SLC4A1AP: variants seen among roughly 807,000 people sequenced by gnomAD.
SLC4A1AP encodes the protein kanadaptin.
In SLC4A1AP, 64 loss-of-function variants were observed where a neutral mutation model predicts 89.7. That is an observed-to-expected ratio of 0.71 (90% CI 0.58 to 0.88). The LOEUF is 0.88. Ranked by LOEUF, SLC4A1AP falls within the 40% of genes least tolerant of loss-of-function variation. SLC4A1AP has a pLI of 0.00. For missense variants in SLC4A1AP, 931 were observed against 965.0 expected (o/e 0.96, Z 0.47); for synonymous variants, 366 against 353.3 (o/e 1.04, Z -0.40).
intron 6 of SLC4A1AP, among the ~76,000 whole-genome samples, chr2:27,676,119 C>T (rs1322092138): frequency 6.6e-6 from 1 of 152,058 alleles, no homozygotes; most frequent in East Asian, 1.9e-4. Flanking sequence ...CACAAGGTGA[C>T]GTGTTAATGG....
Position 27,663,899 on chromosome 2 carries a change from G to A in SLC4A1AP, c.147G>A (p.Lys49=), listed in dbSNP as rs1194578562. ...GGGTTTCGAAGGAGCGGATTTCGAA[G>A]TTGCACCGGTTGAGGATGGCTGACA... is the stretch of plus-strand genomic sequence containing the variant. Residue 49 remains lysine (K), a synonymous_variant, in exon 1 of 14, where the codon AAG becomes AAA. Transcript: ENST00000613058. 3.1e-6 allele frequency: 5 copies of A among 1,614,044 alleles called. No homozygotes were observed. The African/African-American group carries it at 4.0e-5, about 13-fold the overall frequency.
intron 10 of SLC4A1AP, among the ~76,000 whole-genome samples, chr2:27,685,727 CTTCA>C (rs1354226105): frequency 2.6e-5 from 4 of 152,140 alleles, no homozygotes; most frequent in African/African-American, 9.7e-5. Flanking sequence ...AAGGATCTTG[CTTCA>C]TTCATTTTTG....
At chr2:27,690,987 G>A (rs903010065) in intron 12 of SLC4A1AP, among the ~76,000 whole-genome samples, 1 of 151,956 alleles carries the variant, frequency 6.6e-6, no homozygotes, top group Non-Finnish European at 1.5e-5. Context: ...GGGATATTGG[G>A]CTCTAGTTTT....
intron 5 of SLC4A1AP, among the ~76,000 whole-genome samples, chr2:27,674,999 T>C (rs1482010211): frequency 1.3e-5 from 2 of 152,204 alleles, no homozygotes; most frequent in South Asian, 2.1e-4. Flanking sequence ...GCCATCCTCA[T>C]TGATTTTTAA....
intron 5 of SLC4A1AP, 136 bp downstream of exon 5, chr2:27,669,523 A>C (rs1572989457): frequency 9.6e-6 from 7 of 726,590 alleles, no homozygotes; most frequent in Non-Finnish European, 2.2e-6. Flanking sequence ...AATTCTCAAT[A>C]CCCTAAGGTA....
exon 9 of SLC4A1AP, chr2:27,682,309 G>C: frequency 6.2e-7 from 1 of 1,613,866 alleles, no homozygotes; most frequent in South Asian, 1.1e-5. Flanking sequence ...GCCTCTATTT[G>C]GTGCCATGAA....
intron 12 of SLC4A1AP, chr2:27,691,453 T>C (rs1341982714): frequency 6.6e-6 from 1 of 152,128 alleles, no homozygotes; most frequent in Non-Finnish European, 1.5e-5. Context: ...ATCTAGCTAA[T>C]GATCTATGAA....
At chr2:27,681,016 TCCTAC>T (rs1370396456) in intron 8 of SLC4A1AP, among the ~76,000 whole-genome samples, 2 of 152,168 alleles carry the variant, frequency 1.3e-5, no homozygotes, top group Non-Finnish European at 2.9e-5. Context: ...ACTTTCTGCC[TCCTAC>T]CCTAACCCCT....
chr2:27,665,129 C>G (rs779719870), exon 2 of SLC4A1AP: 18 of 1,611,168 alleles, frequency 1.1e-5, no homozygotes, highest in Middle Eastern at 3.3e-4. Context: ...AGGCAGAATC[C>G]GAGTTAACAG....
chr2:27,667,103 T>C (rs13391986), intron 2 of SLC4A1AP, among the ~76,000 whole-genome samples, 165 bp from the exon 3 acceptor site: 4,666 of 152,186 alleles, frequency 0.031, 173 homozygotes, highest in African/African-American at 0.088. Flanking sequence ...ACTCCTGACC[T>C]TGTGATCCAC....
At chr2:27,664,168 C>T (rs375232804) in exon 1 of SLC4A1AP, 26 of 1,614,080 alleles carry the variant, frequency 1.6e-5, no homozygotes, top group East Asian at 1.6e-4. Context: ...TCGCGCCCCC[C>T]GACAGCGGTT....
At chr2:27,665,253 G>C in exon 2 of SLC4A1AP, 1 of 1,612,204 alleles carries the variant, frequency 6.2e-7, no homozygotes, top group South Asian at 1.1e-5. Context: ...GAAGATAAAT[G>C]CTGGTAGCCA....
intron 8 of SLC4A1AP, among the ~76,000 whole-genome samples, chr2:27,679,111 C>T (rs1572993397): frequency 1.3e-5 from 2 of 152,252 alleles, no homozygotes; most frequent in South Asian, 4.1e-4. Flanking sequence ...CTTATATTGT[C>T]ATTGAAGGAC....
At chr2:27,688,852 T>G (rs1363648105) in intron 12 of SLC4A1AP, 85 bp downstream of exon 12, 6 of 1,013,930 alleles carry the variant, frequency 5.9e-6, no homozygotes, top group Middle Eastern at 3.1e-4. Context: ...GAGACTGACT[T>G]AACAGAGTTC....
intron 5 of SLC4A1AP, among the ~76,000 whole-genome samples, chr2:27,671,295 G>A (rs940946125): frequency 6.6e-6 from 1 of 152,230 alleles, no homozygotes; most frequent in South Asian, 2.1e-4. Flanking sequence ...GTTACCTGTC[G>A]ACTCTGCTAA....
chr2:27,678,977 C>T (rs1675569120), intron 8 of SLC4A1AP, among the ~76,000 whole-genome samples: 1 of 152,070 alleles, frequency 6.6e-6, no homozygotes, highest in African/African-American at 2.4e-5. Flanking sequence ...CTCAGCCTCC[C>T]AAAGTGCTGG....
At chr2:27,679,948 G>A (rs1038159876) in intron 8 of SLC4A1AP, among the ~76,000 whole-genome samples, 1 of 152,204 alleles carries the variant, frequency 6.6e-6, no homozygotes, top group African/African-American at 2.4e-5. Flanking sequence ...GCTGGGCTAA[G>A]ATATGGTTTC....
At chr2:27,691,025 TTTTTGTA>T (rs1269829979) in intron 12 of SLC4A1AP, among the ~76,000 whole-genome samples, 1 of 152,098 alleles carries the variant, frequency 6.6e-6, no homozygotes, top group Non-Finnish European at 1.5e-5. Flanking sequence ...CCTTTCCTAG[TTTTTGTA>T]TCAGGGCGAT....
chr2:27,690,468 A>C lies in SLC4A1AP; in HGVS notation c.2271+1701A>C, dbSNP rs1558510886. Among the ~76,000 whole-genome samples, 7 of 152,180 alleles carry C rather than the reference A, an allele frequency of 4.6e-5. No individual in the cohort carries two copies. In the South Asian group the frequency reaches 1.5e-3, roughly 32 times the overall value. ...ATGGCCTCTAGCTCCAAGTTGCTGC[A>C]AAAAAATTTTATTTTTTATTTTTAT... is the stretch of plus-strand genomic sequence containing the variant. On this transcript the variant is annotated intron_variant, in intron 12 of 13. Coordinates refer to ENST00000613058, the Ensembl canonical transcript of SLC4A1AP.
Sources: gnomAD v4.1 joint callset for allele counts (sites outside exome capture counted in the v4.1 genomes callset) on GRCh38, gnomAD v4.1.1 for gene constraint, MANE v1.5 for transcripts, NCBI Gene and HGNC (gene_info 2026-07-23, HGNC 2026-07-21) for gene names.